Variants in YES1 observed in about 807,000 individuals in gnomAD.
YES1 encodes tyrosine-protein kinase Yes.
A neutral mutation model predicts 70.4 loss-of-function variants in YES1; 39 were observed. The ratio of observed to expected loss-of-function variants is 0.55; its 90% CI spans 0.43 to 0.72. The LOEUF (loss-of-function observed/expected upper bound fraction) is 0.72, where lower values mean the gene tolerates loss of function less well. YES1 is among the 30% of genes least tolerant of loss of function. YES1 has a pLI of 0.00. For missense variants in YES1, 495 were observed against 644.8 expected, an observed-to-expected ratio of 0.77 and a Z score of 2.52; for synonymous variants, 198 against 218.6, an observed-to-expected ratio of 0.91 and a Z score of 0.83.
chr18:792,558 T>C (rs867316086), intron 1 of YES1, among the ~76,000 whole-genome samples: 1 of 117,472 alleles, frequency 8.5e-6, no homozygotes, highest in East Asian at 2.5e-4. Flanking sequence ...TCTCTCTCCC[T>C]CTGTATATGT....
chr18:748,691 G>A (rs935901083), intron 3 of YES1, among the ~76,000 whole-genome samples: 2 of 151,872 alleles, frequency 1.3e-5, no homozygotes, highest in African/African-American at 4.8e-5. Flanking sequence ...TTTTTTAAAG[G>A]TTCATCTAGG....
chr18:737,042 T>C (rs1315756014), intron 9 of YES1, 81 bp from the exon 10 acceptor site: 11 of 1,173,916 alleles, frequency 9.4e-6, no homozygotes, highest in African/African-American at 3.1e-5. Context: ...TAATATCAAA[T>C]TGTGTCACTG....
intron 1 of YES1, among the ~76,000 whole-genome samples, chr18:795,932 C>CACAT (rs1251186592): frequency 6.6e-6 from 1 of 152,008 alleles, no homozygotes; most frequent in African/African-American, 2.4e-5. Context: ...CACACACACA[C>CACAT]ACACACACAC....
chr18:757,515 A>G (rs982832773), intron 1 of YES1, among the ~76,000 whole-genome samples: 6 of 147,566 alleles, frequency 4.1e-5, no homozygotes, highest in Non-Finnish European at 4.5e-5. Context: ...AAAAAAAAAA[A>G]AAAGAAAGAA....
At chr18:733,943 T>C (rs1287461959) in intron 10 of YES1, among the ~76,000 whole-genome samples, 1 of 152,226 alleles carries the variant, frequency 6.6e-6, no homozygotes, top group East Asian at 1.9e-4. Context: ...GACAAACAGA[T>C]GATCAATTTT....
At chr18:728,530 G>GT (rs928937150) in intron 11 of YES1, among the ~76,000 whole-genome samples, 3 of 151,652 alleles carry the variant, frequency 2.0e-5, no homozygotes, top group African/African-American at 7.3e-5. Context: ...GAGCATTTCG[G>GT]TTTTTTTTCT....
At chr18:725,637 C>T (rs1040585399) in intron 11 of YES1, among the ~76,000 whole-genome samples, 3 of 152,116 alleles carry the variant, frequency 2.0e-5, no homozygotes. Context: ...GTCTGTAATC[C>T]TGGCGCTTTG....
chr18:810,545 G>C (rs1450783378), intron 1 of YES1, among the ~76,000 whole-genome samples: 1 of 152,156 alleles, frequency 6.6e-6, no homozygotes, highest in African/African-American at 2.4e-5. Flanking sequence ...CATTACAGTG[G>C]TTACAACAGA....
At position 808,929 on chromosome 18, in the gene YES1, A is replaced by G. The variant is rs188010219; in HGVS notation, c.-9+3185T>C. ...TTATTTTATGCTGAGATTTCATGGC[A>G]TTCTTAAGAATAGAAAAACTAAGGC... On this transcript the variant is annotated intron_variant, in intron 1 of 11. Coordinates refer to ENST00000314574, the MANE Select transcript of YES1 (RefSeq NM_005433.4). 5.7e-3 allele frequency among the ~76,000 whole-genome samples: 862 copies of G among 152,352 alleles called. 6 individuals carry two copies. The highest frequency in any genetic ancestry group is 0.02 in the South Asian group (98 of 4,826).
At chr18:754,535 G>A (rs959666530) in intron 2 of YES1, among the ~76,000 whole-genome samples, 25 of 152,012 alleles carry the variant, frequency 1.6e-4, no homozygotes, top group African/African-American at 5.8e-4. Context: ...GTGAAACCCC[G>A]TCTCTACTAA....
intron 1 of YES1, among the ~76,000 whole-genome samples, chr18:757,473 A>C (rs1305628109): frequency 1.4e-5 from 2 of 147,354 alleles, no homozygotes; most frequent in African/African-American, 2.5e-5. Flanking sequence ...ACTGCACTCC[A>C]GCCTGGGCGA....
At chr18:756,514 G>A in intron 2 of YES1, 43 bp downstream of exon 2, 1 of 1,606,644 alleles carries the variant, frequency 6.2e-7, no homozygotes, top group South Asian at 1.1e-5. Flanking sequence ...TACCCAAGGT[G>A]ATGTTCTCAA....
At chr18:747,522 T>C (rs888415541) in intron 4 of YES1, among the ~76,000 whole-genome samples, 2 of 152,110 alleles carry the variant, frequency 1.3e-5, no homozygotes, top group African/African-American at 4.8e-5. Flanking sequence ...TGCATATATA[T>C]ACCAATATAC....
intron 2 of YES1, among the ~76,000 whole-genome samples, chr18:752,622 TTAAAGA>T (rs1251980958): frequency 6.6e-6 from 1 of 152,142 alleles, no homozygotes; most frequent in Non-Finnish European, 1.5e-5. Flanking sequence ...TATTTAACAC[TTAAAGA>T]TAAAAATGTC....
intron 1 of YES1, among the ~76,000 whole-genome samples, chr18:761,900 A>ATCATGGCTGGGCATCGTGGC: frequency 6.6e-6 from 1 of 152,258 alleles, no homozygotes; most frequent in African/African-American, 2.4e-5. Context: ...AAACGTTAAC[A>ATCATGGCTGGGCATCGTGGC]TCATGGCTGG....
chr18:772,090 ACG>A (rs1905184974), intron 1 of YES1, among the ~76,000 whole-genome samples: 2 of 151,722 alleles, frequency 1.3e-5, no homozygotes, highest in Admixed American at 1.3e-4. Flanking sequence ...GTGCAATGCC[ACG>A]ATCTCGGCTC....
intron 1 of YES1, among the ~76,000 whole-genome samples, chr18:758,372 G>C (rs1904400438): frequency 6.6e-6 from 1 of 152,056 alleles, no homozygotes; most frequent in Non-Finnish European, 1.5e-5. Context: ...CCTGTCAATG[G>C]AAACACCCCT....
At position 724,267 on chromosome 18, in the gene YES1, G is replaced by T. The variant is rs1598880278; in HGVS notation, c.*157C>A. 3.0e-6 allele frequency: 2 copies of T among 674,630 alleles called. No homozygotes were observed. Among genetic ancestry groups the T allele is most frequent in the East Asian group, 2.7e-5 (1 of 36,504 alleles). 41.8% of individuals were successfully genotyped at this position (674,630 alleles called of 1,614,324 possible). A position where few individuals can be genotyped will look rare whatever the true frequency, so the allele number is the denominator to read the frequency against. ...GGTACATTAGAGTTTAATACTTGGG[G>T]AAAAAAAAGTGGTTTTGTGCAACCA... On this transcript the variant is annotated 3_prime_UTR_variant, in exon 12 of 12. Coordinates refer to ENST00000314574, the MANE Select transcript of YES1 (RefSeq NM_005433.4).
intron 4 of YES1, among the ~76,000 whole-genome samples, chr18:746,756 G>C (rs1008226337): frequency 6.6e-6 from 1 of 152,196 alleles, no homozygotes; most frequent in African/African-American, 2.4e-5. Flanking sequence ...CCTAAAAGTA[G>C]TGTGTCACTG....
Sources: allele counts gnomAD v4.1 joint callset (sites outside exome capture counted in the v4.1 genomes callset), GRCh38; gene constraint gnomAD v4.1.1; transcripts MANE v1.5; gene names NCBI Gene and HGNC (gene_info 2026-07-23, HGNC 2026-07-21).